The following SPAG9 variants were observed in gnomAD, a reference collection of about 807,000 sequenced individuals.
The protein encoded by SPAG9 is sperm associated antigen 9.
SPAG9 carries 35 observed loss-of-function variants against 166.5 expected under a neutral mutation model. That is an observed-to-expected ratio of 0.21 (90% CI 0.16 to 0.28). The LOEUF (loss-of-function observed/expected upper bound fraction) is 0.28. Ranked by LOEUF, SPAG9 falls within the 10% of genes least tolerant of loss-of-function variation. The probability of loss-of-function intolerance (pLI) is 1.00; values close to 1 mark genes in which losing one functional copy is unlikely to be tolerated. For synonymous variants in SPAG9, 534 were observed against 565.5 expected (o/e 0.94, Z 0.79); for missense variants, 1,235 against 1,603.3 (o/e 0.77, Z 3.92).
chr17:51,099,433 C>CAAA (rs34069450), intron 1 of SPAG9, among the ~76,000 whole-genome samples: 1 of 75,518 alleles, frequency 1.3e-5, no homozygotes, highest in Non-Finnish European at 2.5e-5. Context: ...AACTCTGTCT[C>CAAA]AAAAAAAAAA....
intron 12 of SPAG9, among the ~76,000 whole-genome samples, chr17:51,004,124 A>G (rs1231731200): frequency 6.6e-6 from 1 of 152,244 alleles, no homozygotes; most frequent in Non-Finnish European, 1.5e-5. Context: ...AAAAGGAAAA[A>G]TTAAACCATA....
chr17:51,095,901 A>C (rs1405727302), intron 1 of SPAG9, among the ~76,000 whole-genome samples: 1 of 143,742 alleles, frequency 7.0e-6, no homozygotes, highest in African/African-American at 2.6e-5. Flanking sequence ...ATATACAGTG[A>C]TATATATAGT....
At chr17:51,078,790 T>TA (rs996034173) in intron 2 of SPAG9, among the ~76,000 whole-genome samples, 3 of 151,928 alleles carry the variant, frequency 2.0e-5, no homozygotes, top group South Asian at 2.1e-4. Context: ...ATTTTTCCAT[T>TA]AAAAAAAGGA....
intron 2 of SPAG9, among the ~76,000 whole-genome samples, chr17:51,058,264 T>C (rs2047412454): frequency 6.6e-6 from 1 of 152,210 alleles, no homozygotes; most frequent in Non-Finnish European, 1.5e-5. Flanking sequence ...CCACTACTAA[T>C]AGCAGCCAAC....
At chr17:51,032,471 T>C (rs188626432) in intron 5 of SPAG9, among the ~76,000 whole-genome samples, 1 of 152,198 alleles carries the variant, frequency 6.6e-6, no homozygotes, top group Admixed American at 6.5e-5. Flanking sequence ...TCCCAAATCC[T>C]TTTTCATAAA....
intron 3 of SPAG9, among the ~76,000 whole-genome samples, chr17:51,051,063 G>C (rs995635329): frequency 1.5e-5 from 2 of 135,878 alleles, no homozygotes; most frequent in Non-Finnish European, 3.0e-5. Context: ...AAAGAAAGAA[G>C]GGAGGGAGGG....
At chr17:51,076,352 A>G (rs1338908009) in intron 2 of SPAG9, among the ~76,000 whole-genome samples, 1 of 151,962 alleles carries the variant, frequency 6.6e-6, no homozygotes, top group African/African-American at 2.4e-5. Flanking sequence ...GAGCCCAGGA[A>G]GCACAAGTCG....
intron 3 of SPAG9, among the ~76,000 whole-genome samples, chr17:51,047,988 G>T (rs1421577897): frequency 1.3e-5 from 2 of 152,018 alleles, no homozygotes; most frequent in Non-Finnish European, 2.9e-5. Context: ...TTAATACCAA[G>T]AAAAGTTTCT....
chr17:50,992,050 G>A (rs1436622356), intron 19 of SPAG9, among the ~76,000 whole-genome samples: 1 of 142,384 alleles, frequency 7.0e-6, no homozygotes, highest in Non-Finnish European at 1.5e-5. Context: ...TTATCCTCCC[G>A]CCTCATTTTT....
Position 51,031,700 on chromosome 17 carries a change from T to C in SPAG9, c.764A>G (p.Gln255Arg). ...SLKVSNSPEPQKAVEQEDELS... is the reference protein window; with the variant it reads ...SLKVSNSPEPRKAVEQEDELS... ...TCTCACCTCCTGTTCTACAGCCTTC[T>C]GAGGTTCAGGACTATTGCTGACCTA... The change falls in exon 6 of 30, where the codon CAG (glutamine) becomes CGG (arginine). Residue 255 changes from glutamine (Q) to arginine (R), a missense_variant. Transcript: ENST00000262013. 1.3e-6 allele frequency: 2 copies of C among 1,551,168 alleles called. No individual in the cohort carries two copies. The highest frequency in any genetic ancestry group is 1.7e-6 in the Non-Finnish European group (2 of 1,146,606).
At chr17:51,022,006 C>A (rs539893657) in intron 6 of SPAG9, among the ~76,000 whole-genome samples, 5 of 151,740 alleles carry the variant, frequency 3.3e-5, no homozygotes, top group Admixed American at 6.6e-5. Context: ...ACCTATGATC[C>A]CAGCTACTTG....
At chr17:51,095,956 G>T (rs867627311) in intron 1 of SPAG9, among the ~76,000 whole-genome samples, 1 of 96,622 alleles carries the variant, frequency 1.0e-5, no homozygotes, top group African/African-American at 7.0e-5. Flanking sequence ...TATATATATA[G>T]TGATATATAT....
intron 1 of SPAG9, among the ~76,000 whole-genome samples, chr17:51,103,900 G>A (rs1385388491): frequency 6.6e-6 from 1 of 152,176 alleles, no homozygotes; most frequent in Non-Finnish European, 1.5e-5. Context: ...TAGCTACTGG[G>A]ATATAGTGGT....
rs1490763713 is a variant in SPAG9, at chr17:51,037,687, T to A, written c.741+3814A>T. 1.4e-3 allele frequency among the ~76,000 whole-genome samples: 101 copies of A among 74,154 alleles called. 3 individuals carry two copies. Among genetic ancestry groups the A allele is most frequent in the East Asian group, 4.3e-3 (15 of 3,498 alleles). 48.6% of individuals were successfully genotyped at this position (74,154 alleles called of 152,430 possible). A position where few individuals can be genotyped will look rare whatever the true frequency, so the allele number is the denominator to read the frequency against. On this transcript the variant is annotated intron_variant, in intron 5 of 29. Transcript: ENST00000262013. ...GTTTTATATATATATATATATATAGTGTGTGTGTGTGTGTGTGTGTGTGTG... is the reference window on the plus strand; with the variant it reads ...GTTTTATATATATATATATATATAGAGTGTGTGTGTGTGTGTGTGTGTGTG...
In SPAG9 at chr17:51,056,428, T is replaced by C; in HGVS notation, c.479A>G (p.His160Arg). 1 of 1,605,806 alleles carries C rather than the reference T, an allele frequency of 6.2e-7. No homozygotes were observed. Among genetic ancestry groups the C allele is most frequent in the Non-Finnish European group, 8.5e-7 (1 of 1,172,768 alleles). ...AELKKEYNAL[H>R]QRHTEMIHNY... is the part of the protein sequence containing the mutation. ...GAAACCCACCTCAGTGTGTCTTTGA[T>C]GTAATGCATTATATTCCTTCTTCAG... is the stretch of plus-strand genomic sequence containing the variant. Residue 160 changes from histidine (H) to arginine (R), a missense_variant, in exon 3 of 30, where the codon CAT becomes CGT. By Grantham distance (29) the His-to-Arg change is conservative (BLOSUM62 0). This residue lies in a region of SPAG9 where 288 missense variants were observed against 323.7 expected (regional missense o/e 0.89). Coordinates refer to ENST00000262013, the MANE Select transcript of SPAG9 (RefSeq NM_001130528.3).
Position 51,044,305 on chromosome 17 carries a change from A to T in SPAG9, c.591-2654T>A, listed in dbSNP as rs182650750. 6.6e-5 allele frequency among the ~76,000 whole-genome samples: 10 copies of T among 152,340 alleles called. No homozygotes were observed. The South Asian group carries it at 1.0e-3, about 16-fold the overall frequency. On this transcript the variant is annotated intron_variant, in intron 4 of 29. Coordinates refer to ENST00000262013, the MANE Select transcript of SPAG9 (RefSeq NM_001130528.3). The stretch of plus-strand genomic sequence containing the variant: ...GCTTCAAACTCACAGAAGAAGGAAA[A>T]AAATGAGATACACGTGGAAAACTAT...
intron 5 of SPAG9, among the ~76,000 whole-genome samples, chr17:51,038,258 T>C (rs980189044): frequency 1.3e-5 from 2 of 152,106 alleles, no homozygotes; most frequent in Non-Finnish European, 2.9e-5. Flanking sequence ...GATGCATAGA[T>C]GGCATTTACA....
At chr17:50,990,719 T>C (rs1243064778) in intron 19 of SPAG9, 51 bp from the exon 20 acceptor site, 1 of 1,396,930 alleles carries the variant, frequency 7.2e-7, no homozygotes, top group South Asian at 1.2e-5. Context: ...ATAAATAACA[T>C]TTTTTTTACT....
intron 9 of SPAG9, 104 bp downstream of exon 9, chr17:51,014,128 G>A: frequency 2.1e-6 from 2 of 967,066 alleles, no homozygotes; most frequent in Non-Finnish European, 1.5e-6. Flanking sequence ...CAATAACCCT[G>A]TATCACTGAG....
Sources: gnomAD v4.1 joint callset for allele counts (sites outside exome capture counted in the v4.1 genomes callset) on GRCh38, gnomAD v4.1.1 for gene constraint, gnomAD v4.1.1 regional missense constraint, MANE v1.5 for transcripts, NCBI Gene and HGNC (gene_info 2026-07-23, HGNC 2026-07-21) for gene names.